NOL4: variants seen among roughly 807,000 people sequenced by gnomAD.
NOL4 encodes the protein nucleolar protein 4.
A neutral mutation model predicts 75.9 loss-of-function variants in NOL4; 17 were observed. The ratio of observed to expected loss-of-function variants is 0.22; its 90% CI spans 0.15 to 0.34. The LOEUF is 0.34. NOL4 is among the 10% of genes least tolerant of loss of function. NOL4 has a pLI of 1.00. For missense variants in NOL4, 614 were observed against 793.5 expected (o/e 0.77, Z 2.72); for synonymous variants, 292 against 289.9 (o/e 1.01, Z -0.07).
intron 9 of NOL4, among the ~76,000 whole-genome samples, chr18:33,923,829 G>A (rs1483070145): frequency 3.9e-5 from 6 of 152,042 alleles, no homozygotes; most frequent in African/African-American, 1.4e-4. Context: ...GCAACAACCA[G>A]TTTACAGCAT....
chr18:33,886,300 G>T (rs1446158224), intron 9 of NOL4, among the ~76,000 whole-genome samples: 1 of 151,932 alleles, frequency 6.6e-6, no homozygotes, highest in Non-Finnish European at 1.5e-5. Flanking sequence ...GGCTGAGCCG[G>T]GTGGATCACC....
At chr18:34,078,980 CA>C (rs1473018423) in intron 5 of NOL4, among the ~76,000 whole-genome samples, 1 of 152,088 alleles carries the variant, frequency 6.6e-6, no homozygotes, top group Non-Finnish European at 1.5e-5. Context: ...CTCAACTGTA[CA>C]AAAATAGAAG....
chr18:34,038,819 G>A (rs1389390960), intron 5 of NOL4, among the ~76,000 whole-genome samples: 2 of 151,896 alleles, frequency 1.3e-5, no homozygotes, highest in Admixed American at 6.6e-5. Flanking sequence ...AAGTTCTAAT[G>A]TTTGATAACA....
At chr18:34,186,646 C>G (rs2034481341) in intron 1 of NOL4, among the ~76,000 whole-genome samples, 1 of 152,082 alleles carries the variant, frequency 6.6e-6, no homozygotes, top group Admixed American at 6.5e-5. Context: ...TTTGCTACTG[C>G]CATTTCTCTC....
At chr18:33,859,463 AC>A (rs1294366372) in intron 10 of NOL4, among the ~76,000 whole-genome samples, 3 of 152,036 alleles carry the variant, frequency 2.0e-5, no homozygotes, top group African/African-American at 2.4e-5. Flanking sequence ...TTCTGGTGTA[AC>A]TTTTTTTGTT....
At chr18:34,158,265 A>G (rs988593291) in intron 1 of NOL4, among the ~76,000 whole-genome samples, 6 of 152,186 alleles carry the variant, frequency 3.9e-5, no homozygotes, top group Non-Finnish European at 5.9e-5. Context: ...ATGGCTGGCA[A>G]TTCAAGATCA....
intron 1 of NOL4, among the ~76,000 whole-genome samples, chr18:34,206,929 C>T (rs531699485): frequency 9.2e-5 from 14 of 151,916 alleles, no homozygotes; most frequent in African/African-American, 2.4e-4. Flanking sequence ...TTTTCAGCAA[C>T]GATAATTTCT....
chr18:33,982,662 T>C (rs2145997475), intron 6 of NOL4, among the ~76,000 whole-genome samples: 1 of 150,398 alleles, frequency 6.6e-6, no homozygotes, highest in Non-Finnish European at 1.5e-5. Context: ...AGGCAGAAAA[T>C]CAGTAAGGAC....
chr18:33,971,805 C>G (rs2071086716), intron 6 of NOL4, among the ~76,000 whole-genome samples: 1 of 151,984 alleles, frequency 6.6e-6, no homozygotes, highest in Admixed American at 6.6e-5. Context: ...CTGTTGTCTA[C>G]AGCTAAAATT....
chr18:33,868,707 G>T (rs550422344), intron 10 of NOL4, among the ~76,000 whole-genome samples: 1 of 150,232 alleles, frequency 6.7e-6, no homozygotes, highest in Non-Finnish European at 1.5e-5. Flanking sequence ...ATCCCAGAGT[G>T]ATTAAATTTG....
At chr18:34,214,193 T>C (rs998006667) in intron 1 of NOL4, among the ~76,000 whole-genome samples, 9 of 152,074 alleles carry the variant, frequency 5.9e-5, no homozygotes, top group African/African-American at 2.2e-4. Context: ...GGTATTCAAA[T>C]TGGTATGTGT....
chr18:33,951,303 T>C lies in NOL4; in HGVS notation c.1428+6023A>G, dbSNP rs568473626. On this transcript the variant is annotated intron_variant, in intron 8 of 10. Transcript: ENST00000261592. ...TGGGCATTGATTTGTGAATTAAAAG[T>C]AGTTTCTCTTGAAGACTTTTTTTCT... Among the ~76,000 whole-genome samples the C allele has an allele frequency of 5.3e-5, 8 of 152,274 alleles. No individual in the cohort carries two copies. In the South Asian group the frequency reaches 1.2e-3, roughly 24 times the overall value.
At chr18:34,220,299 G>A (rs1258773216) in intron 1 of NOL4, among the ~76,000 whole-genome samples, 1 of 151,800 alleles carries the variant, frequency 6.6e-6, no homozygotes, top group African/African-American at 2.4e-5. Context: ...TTCCCTTTTC[G>A]CAGTAGTAAT....
chr18:34,029,798 A>T (rs2075543884), intron 5 of NOL4, among the ~76,000 whole-genome samples: 1 of 152,164 alleles, frequency 6.6e-6, no homozygotes, highest in East Asian at 1.9e-4. Context: ...TATTTTCTAG[A>T]TAATACAAAG....
chr18:33,890,430 G>A (rs1027789448), intron 9 of NOL4, among the ~76,000 whole-genome samples: 2 of 152,008 alleles, frequency 1.3e-5, no homozygotes, highest in East Asian at 1.9e-4. Flanking sequence ...AATCAATATC[G>A]TGAAAATGGC....
chr18:34,037,969 G>C (rs1440863015), intron 5 of NOL4, among the ~76,000 whole-genome samples: 1 of 152,020 alleles, frequency 6.6e-6, no homozygotes, highest in South Asian at 2.1e-4. Context: ...AGTTGAATAG[G>C]AGAGAATATG....
chr18:33,979,016 T>A (rs369653990), intron 6 of NOL4, among the ~76,000 whole-genome samples: 1 of 152,060 alleles, frequency 6.6e-6, no homozygotes, highest in African/African-American at 2.4e-5. Flanking sequence ...GGATCTGAAC[T>A]ATAAATTTAA....
At chr18:33,996,602 C>T (rs1417192604) in intron 6 of NOL4, among the ~76,000 whole-genome samples, 1 of 151,784 alleles carries the variant, frequency 6.6e-6, no homozygotes, top group Non-Finnish European at 1.5e-5. Flanking sequence ...GGATCTGTTG[C>T]TCTCATCTTT....
chr18:33,938,798 A>G (rs2068254329), intron 9 of NOL4, among the ~76,000 whole-genome samples: 1 of 152,124 alleles, frequency 6.6e-6, no homozygotes. Context: ...CCATTTGTCA[A>G]TTTTGGCTCT....
Sources: allele counts gnomAD v4.1 joint callset (sites outside exome capture counted in the v4.1 genomes callset), GRCh38; gene constraint gnomAD v4.1.1; transcripts MANE v1.5; gene names NCBI Gene and HGNC (gene_info 2026-07-23, HGNC 2026-07-21).